GRM5: variants seen among roughly 807,000 people sequenced by gnomAD.
The protein encoded by GRM5 is glutamate metabotropic receptor 5, also known as metabotropic glutamate receptor 5.
In GRM5, 19 loss-of-function variants were observed where a neutral mutation model predicts 83.1. That is an observed-to-expected ratio of 0.23 (90% confidence interval 0.16 to 0.34). The LOEUF (loss-of-function observed/expected upper bound fraction) is 0.34. Ranked by LOEUF, GRM5 falls within the 10% of genes least tolerant of loss-of-function variation. GRM5 has a pLI of 1.00. For missense variants in GRM5, 1,160 were observed against 1,588.3 expected, an observed-to-expected ratio of 0.73 and a Z score of 4.58; for synonymous variants, 675 against 633.6, an observed-to-expected ratio of 1.07 and a Z score of -0.98.
At position 88,638,245 on chromosome 11, in the gene GRM5, T is replaced by C. The variant is rs186632478; in HGVS notation, c.1147+14923A>G. ...GGGTGCAGCACACCAGCATGGCACATGTATACATATGTAACTAACCTGTAC... is the reference window on the plus strand; with the variant it reads ...GGGTGCAGCACACCAGCATGGCACACGTATACATATGTAACTAACCTGTAC... On this transcript the variant is annotated intron_variant, in intron 4 of 9. Transcript: ENST00000305447. Among the ~76,000 whole-genome samples, 159 of 151,778 alleles carry C rather than the reference T, an allele frequency of 1.0e-3. 2 individuals carry two copies. The highest frequency in any genetic ancestry group is 3.5e-3 in the African/African-American group (145 of 41,420).
intron 2 of GRM5, among the ~76,000 whole-genome samples, chr11:88,927,466 A>G (rs780522426): frequency 1.1e-4 from 17 of 152,214 alleles, no homozygotes; most frequent in Non-Finnish European, 2.2e-4. Flanking sequence ...TTATTTAAAA[A>G]GAAGAGTACA....
intron 3 of GRM5, among the ~76,000 whole-genome samples, chr11:88,820,984 A>G (rs1345021128): frequency 6.6e-6 from 1 of 152,190 alleles, no homozygotes; most frequent in African/African-American, 2.4e-5. Flanking sequence ...TTTTATTCTG[A>G]TGTATAAGAC....
chr11:88,627,095 C>T (rs1331391187), intron 4 of GRM5, among the ~76,000 whole-genome samples: 1 of 152,208 alleles, frequency 6.6e-6, no homozygotes, highest in Non-Finnish European at 1.5e-5. Flanking sequence ...ATATCTCTAT[C>T]TGCTAGGCAT....
chr11:88,838,084 C>CAAAA (rs1157680177), intron 3 of GRM5, among the ~76,000 whole-genome samples: 2,488 of 55,392 alleles, frequency 0.045, 523 homozygotes, highest in South Asian at 0.11. Flanking sequence ...GACTCCATCT[C>CAAAA]AAAAAAAAAA....
chr11:88,945,270 C>T (rs1938242556), intron 2 of GRM5, among the ~76,000 whole-genome samples: 1 of 151,854 alleles, frequency 6.6e-6, no homozygotes, highest in Non-Finnish European at 1.5e-5. Context: ...AAAAACATTT[C>T]ATGTTCATTA....
At chr11:88,777,861 AC>A (rs1053862768) in intron 3 of GRM5, among the ~76,000 whole-genome samples, 2 of 152,098 alleles carry the variant, frequency 1.3e-5, no homozygotes, top group Admixed American at 1.3e-4. Context: ...TATATGAGGT[AC>A]CTGTCGGCCC....
At chr11:88,854,865 G>A (rs539481229) in intron 2 of GRM5, among the ~76,000 whole-genome samples, 1 of 151,842 alleles carries the variant, frequency 6.6e-6, no homozygotes, top group Non-Finnish European at 1.5e-5. Flanking sequence ...TATATTAAAA[G>A]GCACCAAATC....
At chr11:88,583,294 G>T (rs1250867053) in intron 7 of GRM5, among the ~76,000 whole-genome samples, 1 of 152,114 alleles carries the variant, frequency 6.6e-6, no homozygotes, top group Non-Finnish European at 1.5e-5. Flanking sequence ...GTTTAACTCT[G>T]CGGCTTTTTT....
chr11:88,838,760 A>G (rs1316672190), intron 3 of GRM5, among the ~76,000 whole-genome samples: 2 of 152,130 alleles, frequency 1.3e-5, no homozygotes, highest in African/African-American at 4.8e-5. Context: ...TAACAGATGG[A>G]GTAATACCTT....
chr11:88,651,932 A>C (rs1326636842), intron 4 of GRM5, among the ~76,000 whole-genome samples: 1 of 152,080 alleles, frequency 6.6e-6, no homozygotes, highest in Non-Finnish European at 1.5e-5. Flanking sequence ...CACAGGATGA[A>C]CATGACCTCA....
At chr11:88,841,258 T>G (rs1189623339) in intron 3 of GRM5, among the ~76,000 whole-genome samples, 2 of 152,286 alleles carry the variant, frequency 1.3e-5, no homozygotes, top group East Asian at 3.9e-4. Context: ...TTCTTAATGG[T>G]GTCTTGGAAC....
At chr11:88,552,903 G>A (rs1194041569) in intron 8 of GRM5, among the ~76,000 whole-genome samples, 1 of 152,150 alleles carries the variant, frequency 6.6e-6, no homozygotes, top group East Asian at 1.9e-4. Flanking sequence ...TTTCCAAGGG[G>A]AAATTAGATA....
intron 9 of GRM5, among the ~76,000 whole-genome samples, chr11:88,517,816 A>G (rs979468778): frequency 2.6e-5 from 4 of 152,144 alleles, no homozygotes; most frequent in African/African-American, 7.2e-5. Flanking sequence ...ATTACAAGCT[A>G]GCAAATCTAT....
At chr11:88,565,789 G>A (rs1033254960) in intron 8 of GRM5, among the ~76,000 whole-genome samples, 7 of 152,178 alleles carry the variant, frequency 4.6e-5, no homozygotes, top group East Asian at 1.9e-4. Context: ...TACAATGTAC[G>A]TAGAAAGAGA....
chr11:88,986,442 C>T (rs1468973542), intron 2 of GRM5, among the ~76,000 whole-genome samples: 2 of 151,992 alleles, frequency 1.3e-5, no homozygotes, highest in Admixed American at 1.3e-4. Context: ...TGTCAATATC[C>T]TGGTGGTGAT....
At chr11:88,522,591 C>CTT (rs1941729055) in intron 9 of GRM5, among the ~76,000 whole-genome samples, 1 of 86,850 alleles carries the variant, frequency 1.2e-5, no homozygotes, top group Non-Finnish European at 2.5e-5. Context: ...CTCTCTCGCT[C>CTT]TCTCTCTCTC....
chr11:88,920,430 C>CAAAA (rs1245962694), intron 2 of GRM5, among the ~76,000 whole-genome samples: 2,019 of 10,474 alleles, frequency 0.19, 20 homozygotes, highest in East Asian at 0.46. Flanking sequence ...AAAAAAAAAC[C>CAAAA]AAAAAAAAAA....
At chr11:88,602,543 G>C (rs1237764385) in intron 5 of GRM5, among the ~76,000 whole-genome samples, 1 of 152,074 alleles carries the variant, frequency 6.6e-6, no homozygotes, top group Non-Finnish European at 1.5e-5. Flanking sequence ...CACTCAGCTG[G>C]GAATGCCTTT....
In GRM5 at chr11:88,529,996, G is replaced by A. The variant is rs527343907; in HGVS notation, c.2631-4592C>T. 1.5e-4 allele frequency among the ~76,000 whole-genome samples: 23 copies of A among 152,114 alleles called. 2 individuals are homozygous for A. Among genetic ancestry groups the A allele is most frequent in the African/African-American group, 5.5e-4 (23 of 41,562 alleles). ...AAGTGGACATATTCAGCAGACACAT[G>A]AGTATAAACATTTGGAGGTTAGAGG... On this transcript the variant is annotated intron_variant, in intron 8 of 9. Transcript: ENST00000305447.
Sources: allele counts gnomAD v4.1 joint callset (sites outside exome capture counted in the v4.1 genomes callset), GRCh38; gene constraint gnomAD v4.1.1; transcripts MANE v1.5; gene names NCBI Gene and HGNC (gene_info 2026-07-23, HGNC 2026-07-21).